The following NALF1 variants were observed in gnomAD, a reference collection of about 807,000 sequenced individuals.
NALF1 encodes family with sequence similarity 155 member A.
In NALF1, 3 loss-of-function variants were observed where a neutral mutation model predicts 48.4. The ratio of observed to expected loss-of-function variants is 0.06; its 90% confidence interval spans 0.03 to 0.16. The LOEUF is 0.16. NALF1 is among the 10% of genes least tolerant of loss of function. The pLI, the probability that NALF1 is intolerant of heterozygous loss-of-function variation, is 1.00. For missense variants in NALF1, 526 were observed against 571.5 expected, an observed-to-expected ratio of 0.92 and a Z score of 0.81; for synonymous variants, 262 against 245.7, an observed-to-expected ratio of 1.07 and a Z score of -0.62.
intron 1 of NALF1, among the ~76,000 whole-genome samples, chr13:107,347,417 T>C (rs1450997198): frequency 6.6e-6 from 1 of 152,250 alleles, no homozygotes. Context: ...AACTCTCTGC[T>C]TTCCTAGCAC....
chr13:107,182,851 G>C (rs1019425362), intron 2 of NALF1, among the ~76,000 whole-genome samples: 2 of 152,022 alleles, frequency 1.3e-5, no homozygotes, highest in African/African-American at 4.8e-5. Flanking sequence ...TGTCTTATTT[G>C]GGGGTGATTG....
At chr13:107,510,452 G>A (rs542882594) in intron 1 of NALF1, among the ~76,000 whole-genome samples, 4 of 152,164 alleles carry the variant, frequency 2.6e-5, no homozygotes, top group East Asian at 1.9e-4. Context: ...AACAGAGGTC[G>A]AAAGAGTTTT....
At chr13:107,283,451 A>G (rs1431133177) in intron 1 of NALF1, among the ~76,000 whole-genome samples, 1 of 60,732 alleles carries the variant, frequency 1.6e-5, no homozygotes, top group Non-Finnish European at 6.2e-5. Context: ...ATGCTGAGTT[A>G]AAAAAAAAAA....
chr13:107,677,043 T>TTTTG (rs57080654), intron 1 of NALF1, among the ~76,000 whole-genome samples: 80,448 of 151,726 alleles, frequency 0.53, 21,745 homozygotes, highest in Middle Eastern at 0.67. Context: ...TCCTTGTTTG[T>TTTTG]TTTGTTTGTT....
At chr13:107,685,474 A>T (rs1209070897) in intron 1 of NALF1, among the ~76,000 whole-genome samples, 2 of 152,246 alleles carry the variant, frequency 1.3e-5, no homozygotes, top group Non-Finnish European at 2.9e-5. Context: ...TAAATAATTG[A>T]TCATTTTCAA....
chr13:107,577,824 T>C (rs1262195058), intron 1 of NALF1, among the ~76,000 whole-genome samples: 3 of 152,162 alleles, frequency 2.0e-5, no homozygotes, highest in Admixed American at 6.5e-5. Context: ...TTCACCTCCC[T>C]GTGTACGTTC....
At chr13:107,670,286 T>C (rs6492065) in intron 1 of NALF1, among the ~76,000 whole-genome samples, 86,176 of 151,802 alleles carry the variant, frequency 0.57, 25,328 homozygotes, top group African/African-American at 0.73. Flanking sequence ...ACACTACGTA[T>C]ACAAACATGA....
At chr13:107,823,302 G>GA (rs1368576930) in intron 1 of NALF1, among the ~76,000 whole-genome samples, 1 of 152,140 alleles carries the variant, frequency 6.6e-6, no homozygotes, top group African/African-American at 2.4e-5. Flanking sequence ...TTGAGTTCAA[G>GA]ACCCTCACCC....
At chr13:107,845,192 T>C (rs1370283892) in intron 1 of NALF1, among the ~76,000 whole-genome samples, 1 of 152,216 alleles carries the variant, frequency 6.6e-6, no homozygotes, top group Non-Finnish European at 1.5e-5. Flanking sequence ...CTAATTTCTT[T>C]TGTCATTTTG....
chr13:107,522,072 G>A (rs1412605636), intron 1 of NALF1, among the ~76,000 whole-genome samples: 1 of 151,992 alleles, frequency 6.6e-6, no homozygotes, highest in African/African-American at 2.4e-5. Flanking sequence ...GACAATTAGA[G>A]ATACTGTTAA....
At chr13:107,802,546 T>A (rs1443091600) in intron 1 of NALF1, among the ~76,000 whole-genome samples, 1 of 152,152 alleles carries the variant, frequency 6.6e-6, no homozygotes, top group Non-Finnish European at 1.5e-5. Context: ...TAACCCTTTT[T>A]AAATTTTCAT....
chr13:107,184,181 T>TAA (rs35875309), intron 2 of NALF1, among the ~76,000 whole-genome samples: 51 of 145,548 alleles, frequency 3.5e-4, no homozygotes, highest in African/African-American at 1.1e-3. Flanking sequence ...AAAAGTGTAA[T>TAA]AAAAAAAAAA....
intron 1 of NALF1, among the ~76,000 whole-genome samples, chr13:107,507,738 C>G (rs957501714): frequency 2.0e-5 from 3 of 151,180 alleles, no homozygotes; most frequent in African/African-American, 7.3e-5. Flanking sequence ...TTCTTTCAAA[C>G]AATAGCCTGC....
chr13:107,791,829 G>A (rs190480224), intron 1 of NALF1, among the ~76,000 whole-genome samples: 27 of 151,768 alleles, frequency 1.8e-4, no homozygotes, highest in South Asian at 2.1e-4. Flanking sequence ...GAGTGGTGGC[G>A]GGTACCTAAA....
chr13:107,724,682 C>T (rs1170644850), intron 1 of NALF1, among the ~76,000 whole-genome samples: 1 of 152,130 alleles, frequency 6.6e-6, no homozygotes, highest in Admixed American at 6.6e-5. Flanking sequence ...CCACCTCAGC[C>T]TCCTGAATAG....
chr13:107,256,716 C>T (rs1369449999), intron 1 of NALF1, among the ~76,000 whole-genome samples: 2 of 152,160 alleles, frequency 1.3e-5, no homozygotes, highest in Non-Finnish European at 2.9e-5. Flanking sequence ...TTGCAACTAT[C>T]CTTGTTTGTC....
intron 1 of NALF1, among the ~76,000 whole-genome samples, chr13:107,785,008 C>T (rs1369624158): frequency 6.6e-6 from 1 of 151,804 alleles, no homozygotes; most frequent in African/African-American, 2.4e-5. Flanking sequence ...CCCAAATGCC[C>T]AAATGCCCCA....
At chr13:107,412,661 G>A (rs1884012279) in intron 1 of NALF1, among the ~76,000 whole-genome samples, 2 of 152,188 alleles carry the variant, frequency 1.3e-5, no homozygotes, top group Admixed American at 1.3e-4. Context: ...GTCATATTAT[G>A]TTATGGCTGT....
chr13:107,704,628 G>T (rs1251238021), intron 1 of NALF1, among the ~76,000 whole-genome samples: 3 of 151,436 alleles, frequency 2.0e-5, no homozygotes, highest in Non-Finnish European at 2.9e-5. Context: ...TTTTGTTTGG[G>T]ATTATTGGGT....
Sources: gnomAD v4.1 joint callset for allele counts (sites outside exome capture counted in the v4.1 genomes callset) on GRCh38, gnomAD v4.1.1 for gene constraint, MANE v1.5 for transcripts, NCBI Gene and HGNC (gene_info 2026-07-23, HGNC 2026-07-21) for gene names.